The following DEPTOR variants were observed in gnomAD, a reference collection of about 807,000 sequenced individuals.
The protein encoded by DEPTOR is DEP domain containing MTOR interacting protein, also known as DEP domain-containing mTOR-interacting protein.
Under a neutral mutation model 41.6 loss-of-function variants are expected in DEPTOR, and 41 were observed. The observed-to-expected ratio is 0.98, with a 90% confidence interval of 0.77 to 1.28. The LOEUF (loss-of-function observed/expected upper bound fraction) is 1.28. Among genes scored for constraint, DEPTOR ranks in the 50% most tolerant of loss-of-function variants. The pLI is 0.00. For synonymous variants in DEPTOR, 195 were observed against 192.3 expected (o/e 1.01, Z -0.12); for missense variants, 514 against 527.9 (o/e 0.97, Z 0.26).
At chr8:119,945,844 A>G (rs1201693553) in intron 3 of DEPTOR, among the ~76,000 whole-genome samples, 1 of 152,186 alleles carries the variant, frequency 6.6e-6, no homozygotes, top group African/African-American at 2.4e-5. Flanking sequence ...GTTCTAAGAC[A>G]CAGACAGAGC....
chr8:119,988,754 A>G (rs1828861195), intron 4 of DEPTOR, among the ~76,000 whole-genome samples: 1 of 152,106 alleles, frequency 6.6e-6, no homozygotes, highest in Non-Finnish European at 1.5e-5. Context: ...AAGTGCTGGG[A>G]TTACAGGTGT....
rs147247615 is a variant in DEPTOR, at chr8:119,943,371, C to A, written c.425+13433C>A. Reference sequence around the variant, plus strand: ...GAGGTCTCAGGAAACACAATCATGGCAGAAGGGGAAGCAGGCACATCTTAC... The same window carrying A: ...GAGGTCTCAGGAAACACAATCATGGAAGAAGGGGAAGCAGGCACATCTTAC... On this transcript the variant is annotated intron_variant, in intron 3 of 8. Transcript: ENST00000286234. Among the ~76,000 whole-genome samples the A allele has an allele frequency of 3.8e-3, 585 of 152,208 alleles. 3 individuals carry two copies. The highest frequency in any genetic ancestry group is 0.013 in the African/African-American group (546 of 41,544).
intron 1 of DEPTOR, among the ~76,000 whole-genome samples, chr8:119,901,593 T>C (rs137884785): frequency 0.023 from 3,446 of 151,846 alleles, 48 homozygotes; most frequent in Non-Finnish European, 0.034. Flanking sequence ...GGAGAATCGC[T>C]TGAACCCAGG....
intron 8 of DEPTOR, 23 bp from the exon 9 acceptor site, chr8:120,049,553 C>A: frequency 6.2e-7 from 1 of 1,610,774 alleles, no homozygotes; most frequent in South Asian, 1.1e-5. Context: ...AATAGATGCT[C>A]TTTCTTTGCA....
At position 119,920,622 on chromosome 8, in the gene DEPTOR, G is replaced by A. The variant is rs149283822; in HGVS notation, c.123-7778G>A. ...GAGTTCAGAATATTCAGAGTACAAAGCAGGAATGCATGTGATTGGGAGGTG... is the reference window on the plus strand; with the variant it reads ...GAGTTCAGAATATTCAGAGTACAAAACAGGAATGCATGTGATTGGGAGGTG... On this transcript the variant is annotated intron_variant, in intron 1 of 8. Coordinates refer to ENST00000286234, the MANE Select transcript of DEPTOR (RefSeq NM_022783.4). 6.5e-3 allele frequency among the ~76,000 whole-genome samples: 994 copies of A among 152,310 alleles called. 7 individuals are homozygous for A. The highest frequency in any genetic ancestry group is 0.011 in the Non-Finnish European group (718 of 68,026).
rs1828751675 is a variant in DEPTOR, at chr8:119,980,503, CTTTTCTTTT to C, written c.604+15094_604+15102del. 1.1e-4 allele frequency among the ~76,000 whole-genome samples: 10 copies of C among 92,972 alleles called. No individual in the cohort carries two copies. In the South Asian group the frequency reaches 2.8e-3, roughly 26 times the overall value. The allele number at this position is 92,972 out of a possible 152,430, so 61.0% of individuals were successfully genotyped here. A position where few individuals can be genotyped will look rare whatever the true frequency, so the allele number is the denominator to read the frequency against. On this transcript the variant is annotated intron_variant, in intron 4 of 8. Transcript: ENST00000286234. Reference sequence around the variant, plus strand: ...CTTTTCTTTTCTTTTCTTTTCTTTTCTTTTCTTTTCTCTCTTTGTGTTTTTTTTTTGGAG... The same window carrying C: ...CTTTTCTTTTCTTTTCTTTTCTTTTCCTCTCTTTGTGTTTTTTTTTTGGAG...
At chr8:119,949,367 C>A (rs1371813059) in intron 3 of DEPTOR, among the ~76,000 whole-genome samples, 3 of 152,126 alleles carry the variant, frequency 2.0e-5, no homozygotes, top group Admixed American at 2.0e-4. Context: ...TATATGTTTT[C>A]ATTTCTCTTG....
At chr8:119,958,407 C>A (rs1356733557) in intron 3 of DEPTOR, among the ~76,000 whole-genome samples, 3 of 152,146 alleles carry the variant, frequency 2.0e-5, no homozygotes, top group Non-Finnish European at 4.4e-5. Context: ...AAAGCCTCAC[C>A]TTAGAAGTTG....
chr8:119,905,133 G>A (rs923661903), intron 1 of DEPTOR, among the ~76,000 whole-genome samples: 15 of 152,014 alleles, frequency 9.9e-5, no homozygotes, highest in Non-Finnish European at 1.9e-4. Flanking sequence ...TACCTAAACT[G>A]TGAGTCTTCT....
intron 8 of DEPTOR, among the ~76,000 whole-genome samples, chr8:120,022,102 G>C (rs1342047258): frequency 7.1e-6 from 1 of 141,822 alleles, no homozygotes; most frequent in African/African-American, 2.7e-5. Context: ...AGGTTACAGC[G>C]AACTGTGATC....
intron 1 of DEPTOR, among the ~76,000 whole-genome samples, chr8:119,911,111 T>C (rs1409572800): frequency 6.6e-6 from 1 of 152,086 alleles, no homozygotes; most frequent in African/African-American, 2.4e-5. Flanking sequence ...GTGTTGGCTG[T>C]TTATCTTTGG....
intron 3 of DEPTOR, among the ~76,000 whole-genome samples, chr8:119,936,850 C>A (rs1828119641): frequency 6.6e-6 from 1 of 151,442 alleles, no homozygotes; most frequent in African/African-American, 2.4e-5. Flanking sequence ...CTGGTGAAAC[C>A]CCATCTCTAC....
chr8:119,911,000 A>G (rs1408128598), intron 1 of DEPTOR, among the ~76,000 whole-genome samples: 1 of 152,058 alleles, frequency 6.6e-6, no homozygotes, highest in Non-Finnish European at 1.5e-5. Context: ...TGAGATTTTC[A>G]GTATTCAGCA....
chr8:120,025,428 G>C (rs78404486), intron 8 of DEPTOR, among the ~76,000 whole-genome samples: 2 of 152,158 alleles, frequency 1.3e-5, no homozygotes, highest in Non-Finnish European at 2.9e-5. Flanking sequence ...TCTCCAAGGA[G>C]AGCCTGTGAG....
intron 1 of DEPTOR, among the ~76,000 whole-genome samples, chr8:119,887,138 T>TCCCC (rs1827376735): frequency 1.4e-4 from 1 of 6,930 alleles, no homozygotes; most frequent in Non-Finnish European, 2.8e-4. Context: ...CCCCCCCCCC[T>TCCCC]CCCCTCCTCC....
At chr8:119,948,628 C>T (rs1309536647) in intron 3 of DEPTOR, among the ~76,000 whole-genome samples, 1 of 151,900 alleles carries the variant, frequency 6.6e-6, no homozygotes, top group Non-Finnish European at 1.5e-5. Flanking sequence ...TGTATGCAAC[C>T]ATTACGACAG....
chr8:120,041,187 A>G (rs7829101), intron 8 of DEPTOR, among the ~76,000 whole-genome samples: 67,269 of 152,072 alleles, frequency 0.44, 15,864 homozygotes, highest in African/African-American at 0.6. Flanking sequence ...GACTTCCATG[A>G]CAGTGAGAAG....
In DEPTOR at chr8:119,950,859, A is replaced by G. The variant is rs559367879; in HGVS notation, c.426-14373A>G. Among the ~76,000 whole-genome samples the G allele has an allele frequency of 9.2e-5, 14 of 152,174 alleles. No individual in the cohort carries two copies. In the South Asian group the frequency reaches 2.5e-3, roughly 27 times the overall value. On this transcript the variant is annotated intron_variant, in intron 3 of 8. Coordinates refer to ENST00000286234, the MANE Select transcript of DEPTOR (RefSeq NM_022783.4). ...GAGATCTGCCCACCTCGGCCTCCCA[A>G]AGTGCTGGGATTACAGGCATGAGCG...
intron 1 of DEPTOR, among the ~76,000 whole-genome samples, chr8:119,916,965 T>C (rs1827822901): frequency 6.6e-6 from 1 of 152,202 alleles, no homozygotes; most frequent in Non-Finnish European, 1.5e-5. Flanking sequence ...GAGATGGGGT[T>C]TCACCATGTT....
Sources: allele counts gnomAD v4.1 joint callset (sites outside exome capture counted in the v4.1 genomes callset), GRCh38; gene constraint gnomAD v4.1.1; transcripts MANE v1.5; gene names NCBI Gene and HGNC (gene_info 2026-07-23, HGNC 2026-07-21).